SMCHD1: variants seen among roughly 807,000 people sequenced by gnomAD.
The protein encoded by SMCHD1 is structural maintenance of chromosomes flexible hinge domain containing 1.
A neutral mutation model predicts 254.7 loss-of-function variants in SMCHD1; 78 were observed. The ratio of observed to expected loss-of-function variants is 0.31; its 90% CI spans 0.26 to 0.37. The LOEUF is 0.37. Among genes scored for constraint, SMCHD1 ranks in the 10% least tolerant of loss-of-function variants. The pLI, the probability that SMCHD1 is intolerant of heterozygous loss-of-function variation, is 1.00. For missense variants in SMCHD1, 1,840 were observed against 2,408.1 expected (o/e 0.76, Z 4.94); for synonymous variants, 766 against 794.9 (o/e 0.96, Z 0.61).
intron 28 of SMCHD1, among the ~76,000 whole-genome samples, chr18:2,742,064 G>C (rs2075360922): frequency 6.6e-6 from 1 of 152,082 alleles, no homozygotes; most frequent in South Asian, 2.1e-4. Flanking sequence ...TGTTCTACCT[G>C]ACCAAATCCA....
At chr18:2,711,546 G>A (rs1461669303) in intron 17 of SMCHD1, among the ~76,000 whole-genome samples, 1 of 147,582 alleles carries the variant, frequency 6.8e-6, no homozygotes, top group African/African-American at 2.5e-5. Flanking sequence ...GCAGTGGCGG[G>A]ATCTCGGCTC....
At chr18:2,798,964 T>C (rs922460150) in intron 47 of SMCHD1, among the ~76,000 whole-genome samples, 1 of 152,214 alleles carries the variant, frequency 6.6e-6, no homozygotes, top group African/African-American at 2.4e-5. Context: ...TGGACATTGA[T>C]TTGGAACTTG....
intron 41 of SMCHD1, 69 bp from the exon 42 acceptor site, chr18:2,775,665 C>G: frequency 1.1e-5 from 15 of 1,364,818 alleles, no homozygotes; most frequent in Non-Finnish European, 7.9e-6. Context: ...TAGGCTTGGG[C>G]TTTTAACATA....
intron 34 of SMCHD1, among the ~76,000 whole-genome samples, chr18:2,756,725 G>A (rs1189763787): frequency 6.6e-6 from 1 of 152,042 alleles, no homozygotes; most frequent in Non-Finnish European, 1.5e-5. Context: ...CTCCCAAGTA[G>A]CTGGAACTAT....
intron 28 of SMCHD1, 116 bp from the exon 29 acceptor site, chr18:2,743,645 C>T (rs757767472): frequency 2.0e-5 from 12 of 590,826 alleles, no homozygotes; most frequent in Non-Finnish European, 7.9e-6. Context: ...TATTTTCTGT[C>T]ATGTTACCAA....
At chr18:2,658,817 C>CAT (rs1442115042) in intron 1 of SMCHD1, among the ~76,000 whole-genome samples, 1 of 151,048 alleles carries the variant, frequency 6.6e-6, no homozygotes, top group Non-Finnish European at 1.5e-5. Context: ...TATACATATA[C>CAT]ATATATATGT....
At chr18:2,792,320 TG>T (rs1370871963) in intron 45 of SMCHD1, among the ~76,000 whole-genome samples, 1 of 152,242 alleles carries the variant, frequency 6.6e-6, no homozygotes, top group Non-Finnish European at 1.5e-5. Context: ...ACTGTCAACA[TG>T]CTGTACAGTT....
chr18:2,780,171 G>A (rs558190084), intron 44 of SMCHD1, among the ~76,000 whole-genome samples: 3 of 147,148 alleles, frequency 2.0e-5, no homozygotes, highest in African/African-American at 7.5e-5. Context: ...CCTGGGAGGT[G>A]GAGGTTGCAG....
intron 2 of SMCHD1, among the ~76,000 whole-genome samples, 163 bp from the exon 3 acceptor site, chr18:2,666,707 C>A (rs2073448798): frequency 6.6e-6 from 1 of 152,150 alleles, no homozygotes; most frequent in Non-Finnish European, 1.5e-5. Context: ...GTGCTTGTTT[C>A]ATTAATATCC....
chr18:2,743,155 A>G (rs1226028955), intron 28 of SMCHD1, among the ~76,000 whole-genome samples: 2 of 152,222 alleles, frequency 1.3e-5, no homozygotes, highest in African/African-American at 2.4e-5. Flanking sequence ...TGCAAAGATT[A>G]TAGGCTAGTT....
chr18:2,784,947 T>TAAA (rs35051153), intron 45 of SMCHD1: 7 of 325,824 alleles, frequency 2.1e-5, no homozygotes, highest in South Asian at 9.5e-5. Flanking sequence ...CTCCATCTCT[T>TAAA]AAAAAAAAAA....
At chr18:2,722,460 C>A in intron 19 of SMCHD1, 59 bp from the exon 20 acceptor site, 1 of 1,424,348 alleles carries the variant, frequency 7.0e-7, no homozygotes, top group African/African-American at 1.4e-5. Flanking sequence ...GTTTTTGACC[C>A]CCAATGGCTT....
intron 15 of SMCHD1, 22 bp downstream of exon 15, chr18:2,706,492 A>T (rs371336254): frequency 6.7e-7 from 1 of 1,500,368 alleles, no homozygotes; most frequent in Admixed American, 1.9e-5. Flanking sequence ...TTCAAGATGC[A>T]TGACAAAAAT....
chr18:2,732,779 A>C (rs1400520368), intron 25 of SMCHD1, among the ~76,000 whole-genome samples: 1 of 152,202 alleles, frequency 6.6e-6, no homozygotes, highest in Non-Finnish European at 1.5e-5. Flanking sequence ...GTTTTTCTGC[A>C]ATCATAATCA....
intron 17 of SMCHD1, among the ~76,000 whole-genome samples, chr18:2,712,202 A>G (rs767917329): frequency 2.7e-5 from 4 of 150,222 alleles, no homozygotes; most frequent in Non-Finnish European, 5.9e-5. Flanking sequence ...AATATTCATA[A>G]GGGATTTTGG....
At chr18:2,696,647 C>T (rs1340150918) in intron 8 of SMCHD1, among the ~76,000 whole-genome samples, 1 of 152,136 alleles carries the variant, frequency 6.6e-6, no homozygotes, top group Non-Finnish European at 1.5e-5. Context: ...ATAATTGAGT[C>T]CTTTCTGGAA....
chr18:2,784,421 A>G, intron 44 of SMCHD1, 29 bp from the exon 45 acceptor site: 1 of 1,551,250 alleles, frequency 6.4e-7, no homozygotes, highest in South Asian at 1.2e-5. Context: ...TAAGTTGCTC[A>G]CTACTTACTA....
intron 5 of SMCHD1, among the ~76,000 whole-genome samples, chr18:2,677,216 C>T (rs71356061): frequency 3.3e-5 from 5 of 152,002 alleles, no homozygotes; most frequent in African/African-American, 7.2e-5. Flanking sequence ...TAGGTTTTAC[C>T]GTTGATAGTT....
rs752910689 is a variant in SMCHD1 at position 2,777,918 on chromosome 18, A to G, written c.5476+3A>G. 3 of 1,504,246 alleles carry G rather than the reference A, an allele frequency of 2.0e-6. No individual in the cohort carries two copies. The highest frequency in any genetic ancestry group is 1.4e-5 in the African/African-American group (1 of 71,688). 93.2% of individuals were successfully genotyped at this position (1,504,246 alleles called of 1,614,324 possible). A position where few individuals can be genotyped will look rare whatever the true frequency, so the allele number is the denominator to read the frequency against. ...TAATGTAGAACATTGTGAAACAGGT[A>G]AAAGACATTATGGTGACTTTACTTT... On this transcript the variant is annotated splice_donor_region_variant and intron_variant, in intron 43 of 47. Coordinates refer to ENST00000320876, the MANE Select transcript of SMCHD1 (RefSeq NM_015295.3).
Sources: allele counts gnomAD v4.1 joint callset (sites outside exome capture counted in the v4.1 genomes callset), GRCh38; gene constraint gnomAD v4.1.1; transcripts MANE v1.5; gene names NCBI Gene and HGNC (gene_info 2026-07-23, HGNC 2026-07-21).